Variants in SLC5A4 observed in about 807,000 individuals in gnomAD.
SLC5A4 encodes solute carrier family 5 member 4.
SLC5A4 carries 55 observed loss-of-function variants against 70.3 expected under a neutral mutation model. The ratio of observed to expected loss-of-function variants is 0.78; its 90% CI spans 0.63 to 0.98. The LOEUF (loss-of-function observed/expected upper bound fraction) is 0.98. Ranked by LOEUF, SLC5A4 falls within the 50% of genes least tolerant of loss-of-function variation. The pLI is 0.00. For missense variants in SLC5A4, 735 were observed against 839.2 expected, an observed-to-expected ratio of 0.88 and a Z score of 1.53; for synonymous variants, 268 against 305.7, an observed-to-expected ratio of 0.88 and a Z score of 1.29.
the SLC5A4 span, among the ~76,000 whole-genome samples, chr22:32,297,960 G>T: frequency 9.7e-6 from 1 of 103,216 alleles, no homozygotes. Context: ...GTAGTTGAGC[G>T]GTTTTGAGTG....
At chr22:32,333,552 T>C in the SLC5A4 span, among the ~76,000 whole-genome samples, 63,331 of 151,806 alleles carry the variant, frequency 0.42, 13,238 homozygotes, top group East Asian at 0.54. Flanking sequence ...CTGTGTGCAC[T>C]GTGGCCCTGA....
At chr22:32,252,046 G>A (rs1927197262) in intron 2 of SLC5A4, among the ~76,000 whole-genome samples, 172 bp from the exon 3 acceptor site, 1 of 151,844 alleles carries the variant, frequency 6.6e-6, no homozygotes, top group South Asian at 2.1e-4. Flanking sequence ...TGGCTAACAC[G>A]GTGAGACCCC....
At chr22:32,281,886 C>A in the SLC5A4 span, among the ~76,000 whole-genome samples, 1 of 152,178 alleles carries the variant, frequency 6.6e-6, no homozygotes, top group African/African-American at 2.4e-5. Context: ...CTCTGTAGCC[C>A]AGGCTGGAGC....
At chr22:32,225,392 G>T (rs1925330985) in intron 12 of SLC5A4, among the ~76,000 whole-genome samples, 2 of 152,184 alleles carry the variant, frequency 1.3e-5, no homozygotes, top group South Asian at 4.1e-4. Context: ...GGCCCTGGCA[G>T]TCTGCCTCCC....
the SLC5A4 span, among the ~76,000 whole-genome samples, chr22:32,283,492 C>T: frequency 6.6e-6 from 1 of 151,474 alleles, no homozygotes; most frequent in Non-Finnish European, 1.5e-5. Flanking sequence ...ATCAACAAAA[C>T]AATCAATCAG....
At chr22:32,258,493 G>A (rs756791718), upstream of SLC5A4, among the ~76,000 whole-genome samples, 16 of 151,968 alleles carry the variant, frequency 1.1e-4, no homozygotes, top group Non-Finnish European at 1.9e-4. Context: ...ATTGTTCAAC[G>A]TCACTAATCG....
rs1247823557 is a variant in SLC5A4, at chr22:32,247,470, G to T, written c.418C>A (p.Arg140=). The T allele has an allele frequency of 1.9e-6, 3 of 1,613,824 alleles. No individual in the cohort carries two copies. The highest frequency in any genetic ancestry group is 2.2e-5 in the East Asian group (1 of 44,880). ...EYLKKRFGGE[R]LQVYLSILSL... ...AGGATGGAGAGGTAGACCTGGAGTC[G>T]CTCCCCACCAAACCGCTTCTTGAGA... The change falls in exon 5 of 15, where the codon CGA becomes AGA. Residue 140 remains arginine (R), a synonymous_variant. Coordinates refer to ENST00000266086, the MANE Select transcript of SLC5A4 (RefSeq NM_014227.3).
At chr22:32,351,223 T>C in the SLC5A4 span, among the ~76,000 whole-genome samples, 1 of 152,146 alleles carries the variant, frequency 6.6e-6, no homozygotes. Context: ...TCCAGACTAA[T>C]ATGGGAGAGA....
the SLC5A4 span, among the ~76,000 whole-genome samples, chr22:32,317,942 C>T: frequency 1.4e-3 from 217 of 152,342 alleles, 2 homozygotes; most frequent in African/African-American, 4.9e-3. Context: ...TTTCTTCCAA[C>T]TTCTCTGCAG....
chr22:32,252,598 C>T (rs1489905984), intron 2 of SLC5A4, among the ~76,000 whole-genome samples: 5 of 152,110 alleles, frequency 3.3e-5, no homozygotes, highest in African/African-American at 1.2e-4. Flanking sequence ...AAAGTATTTA[C>T]AATCTGGCCT....
At chr22:32,315,071 T>C in the SLC5A4 span, among the ~76,000 whole-genome samples, 1 of 152,104 alleles carries the variant, frequency 6.6e-6, no homozygotes, top group Non-Finnish European at 1.5e-5. Flanking sequence ...TACTTAAAAA[T>C]GGTTAAAATG....
At chr22:32,273,930 G>C in the SLC5A4 span, among the ~76,000 whole-genome samples, 1 of 152,112 alleles carries the variant, frequency 6.6e-6, no homozygotes. Context: ...TTGGTAGAAG[G>C]CCCAGGGATA....
chr22:32,350,091 C>CA, the SLC5A4 span, among the ~76,000 whole-genome samples: 1 of 152,138 alleles, frequency 6.6e-6, no homozygotes, highest in South Asian at 2.1e-4. Flanking sequence ...ATGAGGAAAA[C>CA]AGAGGCTCCT....
At chr22:32,316,719 G>A in the SLC5A4 span, among the ~76,000 whole-genome samples, 1 of 150,712 alleles carries the variant, frequency 6.6e-6, no homozygotes, top group African/African-American at 2.4e-5. Flanking sequence ...TGACTTTTTA[G>A]TAGAAATGAG....
chr22:32,277,520 T>C, the SLC5A4 span, among the ~76,000 whole-genome samples: 1 of 152,142 alleles, frequency 6.6e-6, no homozygotes, highest in Non-Finnish European at 1.5e-5. Flanking sequence ...GAATAACAGA[T>C]GCTCATAGAT....
the SLC5A4 span, chr22:32,327,170 C>T: frequency 0.11 from 17,340 of 152,308 alleles, 1,347 homozygotes; most frequent in Non-Finnish European, 0.17. Flanking sequence ...GACCTGGATG[C>T]GAAGGTTCAC....
At chr22:32,308,763 CATGT>C in the SLC5A4 span, among the ~76,000 whole-genome samples, 50,290 of 151,848 alleles carry the variant, frequency 0.33, 8,435 homozygotes, top group Admixed American at 0.43. Flanking sequence ...TATGAAATCA[CATGT>C]ATGTGTGTGA....
chr22:32,312,365 G>GCACA, the SLC5A4 span, among the ~76,000 whole-genome samples: 27 of 102,214 alleles, frequency 2.6e-4, no homozygotes, highest in East Asian at 1.6e-3. Context: ...ACGCGCGCGC[G>GCACA]CACACACACA....
the SLC5A4 span, among the ~76,000 whole-genome samples, chr22:32,330,859 A>G: frequency 8.1e-4 from 34 of 41,792 alleles, 3 homozygotes; most frequent in Admixed American, 1.7e-3. Context: ...TCTGGTGTGT[A>G]GGTGTTGGAG....
Sources: allele counts gnomAD v4.1 joint callset (sites outside exome capture counted in the v4.1 genomes callset), GRCh38; gene constraint gnomAD v4.1.1; transcripts MANE v1.5; gene names NCBI Gene and HGNC (gene_info 2026-07-23, HGNC 2026-07-21).